Variants in ATF7 observed in about 807,000 individuals in gnomAD.
ATF7 encodes cyclic AMP-dependent transcription factor ATF-7.
Under a neutral mutation model 50.4 loss-of-function variants are expected in ATF7, and 10 were observed. The observed-to-expected ratio is 0.20, with a 90% confidence interval of 0.12 to 0.34. The LOEUF is 0.34. Ranked by LOEUF, ATF7 falls within the 10% of genes least tolerant of loss-of-function variation. ATF7 has a pLI of 1.00. For missense variants in ATF7, 465 were observed against 613.9 expected (o/e 0.76, Z 2.56); for synonymous variants, 201 against 226.4 (o/e 0.89, Z 1.01).
chr12:53,538,746 C>T (rs1337357367), intron 4 of ATF7, among the ~76,000 whole-genome samples: 35 of 152,170 alleles, frequency 2.3e-4, no homozygotes. Context: ...CCTTGCTACC[C>T]TAACCCTTAG....
At chr12:53,544,987 A>T (rs1939808060) in intron 3 of ATF7, among the ~76,000 whole-genome samples, 1 of 152,142 alleles carries the variant, frequency 6.6e-6, no homozygotes, top group Non-Finnish European at 1.5e-5. Flanking sequence ...GGATGAGTAG[A>T]AGTAGTATCA....
chr12:53,537,629 G>A (rs1302729579), intron 4 of ATF7, 77 bp from the exon 5 acceptor site: 5 of 1,526,666 alleles, frequency 3.3e-6, no homozygotes, highest in Admixed American at 4.0e-5. Flanking sequence ...CCATTTCCAA[G>A]ATAAGGGAAT....
At chr12:53,541,245 A>G (rs903053291) in intron 4 of ATF7, among the ~76,000 whole-genome samples, 3 of 152,160 alleles carry the variant, frequency 2.0e-5, no homozygotes, top group African/African-American at 7.2e-5. Context: ...AAATATAGGG[A>G]AAAATAGAAG....
At chr12:53,587,843 A>ATATATATATATATATATATATTTTTT in intron 2 of ATF7, among the ~76,000 whole-genome samples, 11 of 61,548 alleles carry the variant, frequency 1.8e-4, no homozygotes, top group Non-Finnish European at 3.1e-4. Flanking sequence ...ATATATATAT[A>ATATATATATATATATATATATTTTTT]TTTTTTTTTT....
downstream of ATF7, among the ~76,000 whole-genome samples, chr12:53,508,524 C>T (rs1382446990): frequency 6.7e-6 from 1 of 150,244 alleles, no homozygotes; most frequent in African/African-American, 2.5e-5. Context: ...GGCACCACTA[C>T]ACTCCAGCCT....
chr12:53,600,826 A>T, intron 2 of ATF7, 127 bp downstream of exon 2: 1 of 898,338 alleles, frequency 1.1e-6, no homozygotes, highest in South Asian at 1.6e-5. Flanking sequence ...TACACACTGC[A>T]AATCCTCTGA....
intron 1 of ATF7, among the ~76,000 whole-genome samples, chr12:53,622,225 C>G (rs1565610285): frequency 6.6e-6 from 1 of 151,868 alleles, no homozygotes; most frequent in African/African-American, 2.4e-5. Context: ...TCGCTTGAAA[C>G]CGGAAGTTGG....
At chr12:53,528,591 C>T (rs1374763176) in intron 9 of ATF7, among the ~76,000 whole-genome samples, 3 of 151,950 alleles carry the variant, frequency 2.0e-5, no homozygotes, top group East Asian at 1.9e-4. Context: ...GGTGAAACCC[C>T]GTCTCTACTG....
chr12:53,529,974 C>T (rs1294583790), intron 9 of ATF7, among the ~76,000 whole-genome samples: 2 of 151,406 alleles, frequency 1.3e-5, no homozygotes, highest in Non-Finnish European at 2.9e-5. Context: ...GAACTCCTGA[C>T]CTTGTGATCC....
chr12:53,579,858 C>T (rs891627774), intron 2 of ATF7, among the ~76,000 whole-genome samples: 1 of 152,172 alleles, frequency 6.6e-6, no homozygotes, highest in African/African-American at 2.4e-5. Context: ...CACAGCCCAA[C>T]GGGGTTTTTT....
chr12:53,599,053 A>ACAGTGTCTCGCTCTGTTGC (rs2137812613), intron 2 of ATF7, among the ~76,000 whole-genome samples: 1 of 152,288 alleles, frequency 6.6e-6, no homozygotes, highest in East Asian at 1.9e-4. Context: ...TTATTTTGAG[A>ACAGTGTCTCGCTCTGTTGC]CAGTGTCTCG....
chr12:53,549,967 C>T (rs1940224089), intron 3 of ATF7, among the ~76,000 whole-genome samples: 2 of 152,260 alleles, frequency 1.3e-5, no homozygotes, highest in African/African-American at 4.8e-5. Flanking sequence ...ATCCATTTGC[C>T]TTAGCCTTCT....
intron 2 of ATF7, among the ~76,000 whole-genome samples, chr12:53,599,658 C>T (rs906590539): frequency 1.3e-5 from 2 of 152,030 alleles, no homozygotes; most frequent in Non-Finnish European, 2.9e-5. Context: ...CTTGTCACCA[C>T]CCCCATTTTA....
intron 1 of ATF7, among the ~76,000 whole-genome samples, chr12:53,605,864 A>C (rs1384046395): frequency 1.3e-5 from 2 of 152,210 alleles, no homozygotes; most frequent in Admixed American, 6.5e-5. Flanking sequence ...ATATTCACTG[A>C]TTTAATATTT....
At position 53,517,058 on chromosome 12, in the gene ATF7, T is replaced by C. The variant is rs1169774276; in HGVS notation, c.*79A>G. ...CCCATATTGCCATGTCCAAGGCAGATGGGAGGGGATAAGATGACATCTCTC... is the reference window on the plus strand; with the variant it reads ...CCCATATTGCCATGTCCAAGGCAGACGGGAGGGGATAAGATGACATCTCTC... On this transcript the variant is annotated 3_prime_UTR_variant, in exon 12 of 12. Transcript: ENST00000420353. 1.4e-6 allele frequency: 2 copies of C among 1,470,280 alleles called. No individual in the cohort carries two copies. The highest frequency in any genetic ancestry group is 2.3e-5 in the East Asian group (1 of 44,088). 91.1% of individuals were successfully genotyped at this position (1,470,280 alleles called of 1,614,324 possible).
chr12:53,552,433 G>T, intron 3 of ATF7, 108 bp downstream of exon 3: 1 of 808,518 alleles, frequency 1.2e-6, no homozygotes, highest in South Asian at 1.5e-5. Context: ...ATCACATAAG[G>T]GCTCTTAATG....
chr12:53,513,184 A>C lies in ATF7; in HGVS notation c.*3953T>G, dbSNP rs1012902124. Reference sequence around the variant, plus strand: ...GACATAAGCTCCTTTAACCTGCCCTACTCTCCCCAGCCTTTTCTCATTCTG... The same window carrying C: ...GACATAAGCTCCTTTAACCTGCCCTCCTCTCCCCAGCCTTTTCTCATTCTG... On this transcript the variant is annotated 3_prime_UTR_variant, in exon 12 of 12. Transcript: ENST00000420353. 11 of 151,698 alleles carry C rather than the reference A, an allele frequency of 7.3e-5. No individual in the cohort carries two copies. The highest frequency in any genetic ancestry group is 7.2e-4 in the Admixed American group (11 of 15,202). The allele number at this position is 151,698 out of a possible 1,614,324, so 9.4% of individuals were successfully genotyped here.
At chr12:53,543,583 T>A in intron 3 of ATF7, 135 bp from the exon 4 acceptor site, 2 of 947,936 alleles carry the variant, frequency 2.1e-6, no homozygotes, top group Non-Finnish European at 3.1e-6. Flanking sequence ...AAATTTGCTT[T>A]AATGGAGCTC....
At chr12:53,539,077 C>T (rs535681458) in intron 4 of ATF7, among the ~76,000 whole-genome samples, 25 of 152,268 alleles carry the variant, frequency 1.6e-4, no homozygotes, top group Non-Finnish European at 3.1e-4. Context: ...GGAGACTCTT[C>T]CACTGAGCCT....
Sources: gnomAD v4.1 joint callset for allele counts (sites outside exome capture counted in the v4.1 genomes callset) on GRCh38, gnomAD v4.1.1 for gene constraint, MANE v1.5 for transcripts, NCBI Gene and HGNC (gene_info 2026-07-23, HGNC 2026-07-21) for gene names.